Variants in ENAH observed in about 807,000 individuals in gnomAD.
The protein encoded by ENAH is protein enabled homolog.
In ENAH, 23 loss-of-function variants were observed where a neutral mutation model predicts 78.7. The ratio of observed to expected loss-of-function variants is 0.29; its 90% confidence interval spans 0.21 to 0.41. The LOEUF (loss-of-function observed/expected upper bound fraction) is 0.41. ENAH is among the 10% of genes least tolerant of loss of function. The pLI, the probability that ENAH is intolerant of heterozygous loss-of-function variation, is 1.00. For synonymous variants in ENAH, 226 were observed against 241.0 expected (o/e 0.94, Z 0.58); for missense variants, 544 against 691.0 (o/e 0.79, Z 2.39).
intron 1 of ENAH, among the ~76,000 whole-genome samples, chr1:225,586,757 G>A (rs1206591965): frequency 6.6e-6 from 1 of 152,110 alleles, no homozygotes; most frequent in Non-Finnish European, 1.5e-5. Flanking sequence ...CGAGCATGGT[G>A]GCTCACCCGT....
chr1:225,522,502 T>A (rs1200606920), intron 4 of ENAH, among the ~76,000 whole-genome samples: 1 of 152,218 alleles, frequency 6.6e-6, no homozygotes, highest in Non-Finnish European at 1.5e-5. Flanking sequence ...ACGGACTTCA[T>A]TATGCTATTT....
At chr1:225,582,893 A>G (rs2096826226) in intron 1 of ENAH, among the ~76,000 whole-genome samples, 1 of 152,218 alleles carries the variant, frequency 6.6e-6, no homozygotes, top group South Asian at 2.1e-4. Flanking sequence ...TTCAATCTAA[A>G]AACAACCACA....
At chr1:225,517,758 A>G (rs968068440) in intron 5 of ENAH, 21 of 1,551,138 alleles carry the variant, frequency 1.4e-5, no homozygotes, top group Non-Finnish European at 1.7e-5. Context: ...GGGGAAGAAC[A>G]GGGTGGAAGG....
chr1:225,498,775 TTACAG>T (rs1476113055), intron 12 of ENAH, among the ~76,000 whole-genome samples: 3 of 152,216 alleles, frequency 2.0e-5, no homozygotes, highest in African/African-American at 2.4e-5. Flanking sequence ...GAGGAAGATA[TTACAG>T]TAAACTGAAA....
At chr1:225,641,726 A>T (rs1661097971) in intron 1 of ENAH, among the ~76,000 whole-genome samples, 1 of 151,694 alleles carries the variant, frequency 6.6e-6, no homozygotes, top group Non-Finnish European at 1.5e-5. Flanking sequence ...ATCTCTACTA[A>T]AAACACAAAA....
At chr1:225,560,289 C>T (rs988975244) in intron 2 of ENAH, among the ~76,000 whole-genome samples, 13 of 151,472 alleles carry the variant, frequency 8.6e-5, no homozygotes, top group Non-Finnish European at 1.9e-4. Flanking sequence ...GTCAGGAGTT[C>T]GAGACCAGCC....
At chr1:225,559,095 A>C (rs1322132893) in intron 2 of ENAH, among the ~76,000 whole-genome samples, 1 of 152,238 alleles carries the variant, frequency 6.6e-6, no homozygotes, top group Non-Finnish European at 1.5e-5. Flanking sequence ...TTTCATTTTA[A>C]TCACAAGTTT....
chr1:225,587,544 G>C (rs950729378), intron 1 of ENAH, among the ~76,000 whole-genome samples: 4 of 152,108 alleles, frequency 2.6e-5, no homozygotes, highest in Non-Finnish European at 5.9e-5. Flanking sequence ...TCATGGATTG[G>C]AAGCCTCAAT....
intron 1 of ENAH, among the ~76,000 whole-genome samples, chr1:225,637,300 C>T (rs1021971533): frequency 2.0e-5 from 3 of 152,106 alleles, no homozygotes; most frequent in Non-Finnish European, 2.9e-5. Context: ...CTCTGTCTCC[C>T]GGGTTCTAAC....
intron 3 of ENAH, chr1:225,531,125 C>T (rs183756525): frequency 2.3e-5 from 9 of 397,944 alleles, no homozygotes; most frequent in African/African-American, 1.4e-4. Flanking sequence ...TATGCTAAAG[C>T]ATTTATCAAA....
intron 1 of ENAH, among the ~76,000 whole-genome samples, chr1:225,637,658 T>C (rs1467991449): frequency 6.6e-6 from 1 of 152,196 alleles, no homozygotes; most frequent in Non-Finnish European, 1.5e-5. Context: ...TTAATTTAAA[T>C]ATTCATCTTA....
intron 4 of ENAH, among the ~76,000 whole-genome samples, chr1:225,526,907 G>A (rs1419635024): frequency 6.6e-6 from 1 of 152,066 alleles, no homozygotes; most frequent in Non-Finnish European, 1.5e-5. Flanking sequence ...TTGGCTGTCT[G>A]TTCATATTTA....
chr1:225,640,586 GGGCTCT>G (rs1219116129), intron 1 of ENAH, among the ~76,000 whole-genome samples: 7 of 152,130 alleles, frequency 4.6e-5, no homozygotes, highest in African/African-American at 1.7e-4. Flanking sequence ...TAAAAACCAT[GGGCTCT>G]GGAACCTGAC....
intron 1 of ENAH, among the ~76,000 whole-genome samples, chr1:225,633,309 C>A (rs954850541): frequency 1.3e-5 from 2 of 151,834 alleles, no homozygotes; most frequent in South Asian, 2.1e-4. Flanking sequence ...CTCTGCCTCC[C>A]GAAGTGCTGG....
At chr1:225,566,263 T>TGTTTG (rs1558826528) in intron 2 of ENAH, among the ~76,000 whole-genome samples, 1 of 151,894 alleles carries the variant, frequency 6.6e-6, no homozygotes, top group Non-Finnish European at 1.5e-5. Flanking sequence ...TTGTGTGTTT[T>TGTTTG]TTTGTTTGTT....
At chr1:225,558,961 CTCTT>C (rs1320726837) in intron 2 of ENAH, among the ~76,000 whole-genome samples, 3 of 152,002 alleles carry the variant, frequency 2.0e-5, no homozygotes, top group East Asian at 1.9e-4. Flanking sequence ...TATTGTTACC[CTCTT>C]TCTATTAATA....
intron 1 of ENAH, among the ~76,000 whole-genome samples, chr1:225,609,825 A>C (rs1347232296): frequency 6.6e-6 from 1 of 151,654 alleles, no homozygotes; most frequent in Non-Finnish European, 1.5e-5. Context: ...CACCATCCCC[A>C]GCTAATTTTT....
At chr1:225,604,824 T>TA (rs1413912875) in intron 1 of ENAH, among the ~76,000 whole-genome samples, 9 of 151,790 alleles carry the variant, frequency 5.9e-5, no homozygotes, top group African/African-American at 2.2e-4. Context: ...GGACAATTGA[T>TA]AAAAGATTTA....
intron 1 of ENAH, among the ~76,000 whole-genome samples, chr1:225,606,892 A>G (rs1307753086): frequency 6.6e-6 from 1 of 151,680 alleles, no homozygotes; most frequent in African/African-American, 2.4e-5. Context: ...AACTTAACCA[A>G]TCACAAAACT....
Sources: allele counts gnomAD v4.1 joint callset (sites outside exome capture counted in the v4.1 genomes callset), GRCh38; gene constraint gnomAD v4.1.1; transcripts MANE v1.5; gene names NCBI Gene and HGNC (gene_info 2026-07-23, HGNC 2026-07-21).